The following ZBTB20 variants were observed in gnomAD, a reference collection of about 807,000 sequenced individuals.
The protein encoded by ZBTB20 is zinc finger and BTB domain-containing protein 20.
A neutral mutation model predicts 56.9 loss-of-function variants in ZBTB20; 9 were observed. The observed-to-expected ratio is 0.16, with a 90% CI of 0.10 to 0.28. ZBTB20 has a LOEUF of 0.28. Ranked by LOEUF, ZBTB20 falls within the 10% of genes least tolerant of loss-of-function variation. ZBTB20 has a pLI of 1.00. For synonymous variants in ZBTB20, 417 were observed against 420.7 expected, an observed-to-expected ratio of 0.99 and a Z score of 0.11; for missense variants, 655 against 1,003.0, an observed-to-expected ratio of 0.65 and a Z score of 4.69.
chr3:115,000,875 A>G (rs1009067900), intron 2 of ZBTB20, among the ~76,000 whole-genome samples: 4 of 151,500 alleles, frequency 2.6e-5, no homozygotes, highest in Non-Finnish European at 5.9e-5. Flanking sequence ...AACAAGTCCT[A>G]TGACTTCAGT....
rs556178361 is a variant in ZBTB20, at chr3:114,334,914, C to T, written c.*4091G>A. On this transcript the variant is annotated 3_prime_UTR_variant, in exon 12 of 12. Coordinates refer to ENST00000675478, the MANE Select transcript of ZBTB20 (RefSeq NM_001348800.3). ...TTTTTTTTCTTTGCTTAGCTTGTTT[C>T]CCCCTGTGTAGAATTGTAACAGATC... 4.6e-5 allele frequency: 7 copies of T among 152,154 alleles called. No homozygotes were observed. In the South Asian group the frequency reaches 1.2e-3, roughly 27 times the overall value. The allele number at this position is 152,154 out of a possible 1,614,324, so 9.4% of individuals were successfully genotyped here. A position where few individuals can be genotyped will look rare whatever the true frequency, so the allele number is the denominator to read the frequency against.
intron 5 of ZBTB20, among the ~76,000 whole-genome samples, chr3:114,751,469 C>A (rs2067550306): frequency 2.0e-5 from 3 of 152,076 alleles, no homozygotes; most frequent in African/African-American, 7.2e-5. Context: ...AATAAAGATT[C>A]TTTAGTCACC....
intron 3 of ZBTB20, among the ~76,000 whole-genome samples, chr3:114,918,082 C>A (rs112881162): frequency 6.6e-6 from 1 of 152,068 alleles, no homozygotes; most frequent in Non-Finnish European, 1.5e-5. Context: ...TGAGCTGGCA[C>A]GCAAGCCACA....
intron 3 of ZBTB20, among the ~76,000 whole-genome samples, chr3:114,953,288 C>A (rs556835166): frequency 6.6e-6 from 1 of 151,404 alleles, no homozygotes; most frequent in South Asian, 2.1e-4. Context: ...TAACCCAAAA[C>A]AAAACAGAAA....
chr3:114,509,066 T>A (rs1218610365), intron 6 of ZBTB20, among the ~76,000 whole-genome samples: 3 of 152,154 alleles, frequency 2.0e-5, no homozygotes, highest in Non-Finnish European at 2.9e-5. Context: ...ACCAGCAACT[T>A]GAATTTTGAA....
chr3:114,539,527 T>C (rs930192923), intron 6 of ZBTB20, among the ~76,000 whole-genome samples: 2 of 152,108 alleles, frequency 1.3e-5, no homozygotes, highest in Admixed American at 6.6e-5. Flanking sequence ...AGGAACAGAG[T>C]ATTACTTTGG....
intron 2 of ZBTB20, among the ~76,000 whole-genome samples, chr3:115,002,986 T>C (rs974852124): frequency 2.0e-5 from 3 of 151,656 alleles, no homozygotes; most frequent in Non-Finnish European, 4.4e-5. Flanking sequence ...TAAAGAGAAG[T>C]GAGCTATTAA....
chr3:114,899,428 A>T (rs998994304), intron 4 of ZBTB20, among the ~76,000 whole-genome samples: 2 of 152,160 alleles, frequency 1.3e-5, no homozygotes, highest in Admixed American at 6.6e-5. Context: ...CTACCAGGAC[A>T]AAAATTATTA....
At chr3:114,810,692 G>A (rs528931164) in intron 4 of ZBTB20, among the ~76,000 whole-genome samples, 1 of 152,262 alleles carries the variant, frequency 6.6e-6, no homozygotes, top group African/African-American at 2.4e-5. Context: ...TCTATAGTGG[G>A]CATAAACGAC....
At position 114,321,777 on chromosome 3, in the gene ZBTB20, G is replaced by T. The variant is rs908209371; in HGVS notation, c.*17228C>A. ...CAGTCAGTTGCTCCAGTTTAAAGGA[G>T]AGTTTAGAATCTAGTGCAAATATCA... On this transcript the variant is annotated 3_prime_UTR_variant, in exon 12 of 12. Coordinates refer to ENST00000675478, the MANE Select transcript of ZBTB20 (RefSeq NM_001348800.3). 1 of 152,218 alleles carries T rather than the reference G, an allele frequency of 6.6e-6. No homozygotes were observed. Among genetic ancestry groups the T allele is most frequent in the African/African-American group, 2.4e-5 (1 of 41,454 alleles). 9.4% of individuals were successfully genotyped at this position (152,218 alleles called of 1,614,324 possible).
chr3:114,366,528 C>T (rs2082418780), intron 10 of ZBTB20, among the ~76,000 whole-genome samples: 1 of 152,180 alleles, frequency 6.6e-6, no homozygotes, highest in South Asian at 2.1e-4. Context: ...AGGAATACTG[C>T]ATATGAGATG....
intron 3 of ZBTB20, among the ~76,000 whole-genome samples, chr3:114,959,366 A>G (rs968725488): frequency 1.3e-5 from 2 of 152,218 alleles, no homozygotes; most frequent in Non-Finnish European, 2.9e-5. Context: ...AAATGAAAAG[A>G]TCACTCATAT....
At chr3:114,811,819 G>A (rs1252921773) in intron 4 of ZBTB20, among the ~76,000 whole-genome samples, 1 of 124,630 alleles carries the variant, frequency 8.0e-6, no homozygotes, top group Non-Finnish European at 1.7e-5. Context: ...GTCTGAGGAT[G>A]GAGAATGTGA....
chr3:115,137,201 G>A (rs2084674324), intron 1 of ZBTB20, among the ~76,000 whole-genome samples: 1 of 151,976 alleles, frequency 6.6e-6, no homozygotes, highest in Non-Finnish European at 1.5e-5. Flanking sequence ...GGATGGTATA[G>A]CAATTTCATT....
At chr3:114,519,076 A>C (rs2046352585) in intron 6 of ZBTB20, 1 of 152,184 alleles carries the variant, frequency 6.6e-6, no homozygotes, top group Admixed American at 6.5e-5. Context: ...ACCCCAGAAA[A>C]GCCTCATTGC....
intron 6 of ZBTB20, among the ~76,000 whole-genome samples, chr3:114,620,878 C>A (rs1280678176): frequency 6.6e-6 from 1 of 152,146 alleles, no homozygotes; most frequent in Non-Finnish European, 1.5e-5. Flanking sequence ...TTATGGAAAA[C>A]TTCAGAGAAA....
At chr3:114,997,201 T>C (rs1197852813) in intron 2 of ZBTB20, among the ~76,000 whole-genome samples, 2 of 151,766 alleles carry the variant, frequency 1.3e-5, no homozygotes, top group Middle Eastern at 3.2e-3. Context: ...GGTAGAGTAT[T>C]ATGTGGAGAG....
chr3:114,335,188 A>T lies in ZBTB20; in HGVS notation c.*3817T>A, dbSNP rs1233854793. On this transcript the variant is annotated 3_prime_UTR_variant, in exon 12 of 12. Transcript: ENST00000675478. ...ATTTTAAAATTATAAATTGCTAAAA[A>T]ATGTCCTTTCCATACTATTTCTCTC... The T allele has an allele frequency of 6.6e-6, 1 of 152,302 alleles. No homozygotes were observed. Among genetic ancestry groups the T allele is most frequent in the East Asian group, 1.9e-4 (1 of 5,186 alleles). 9.4% of individuals were successfully genotyped at this position (152,302 alleles called of 1,614,324 possible). A position where few individuals can be genotyped will look rare whatever the true frequency, so the allele number is the denominator to read the frequency against.
At chr3:115,122,527 A>G (rs1001564171) in intron 1 of ZBTB20, among the ~76,000 whole-genome samples, 1 of 152,064 alleles carries the variant, frequency 6.6e-6, no homozygotes, top group Non-Finnish European at 1.5e-5. Context: ...TCTCCATACA[A>G]TCCTATATCT....
Sources: allele counts gnomAD v4.1 joint callset (sites outside exome capture counted in the v4.1 genomes callset), GRCh38; gene constraint gnomAD v4.1.1; transcripts MANE v1.5; gene names NCBI Gene and HGNC (gene_info 2026-07-23, HGNC 2026-07-21).